PLAGL1: variants seen among roughly 807,000 people sequenced by gnomAD.
The protein encoded by PLAGL1 is zinc finger protein PLAGL1.
Under a neutral mutation model 4.6 loss-of-function variants are expected in PLAGL1, and 1 was observed. The observed-to-expected ratio is 0.22, with a 90% CI of 0.08 to 1.03. The LOEUF (loss-of-function observed/expected upper bound fraction) is 1.03, where lower values mean the gene tolerates loss of function less well. Ranked by LOEUF, PLAGL1 falls within the 50% of genes least tolerant of loss-of-function variation. PLAGL1 has a pLI of 0.58. For missense variants in PLAGL1, 464 were observed against 570.4 expected (o/e 0.81, Z 1.90); for synonymous variants, 240 against 237.8 (o/e 1.01, Z -0.08).
rs1356022171 is a variant in PLAGL1 at position 144,027,991 on chromosome 6, T to G, written c.-151+36477A>C. On this transcript the variant is annotated intron_variant, in intron 1 of 3. Coordinates refer to the PLAGL1 transcript ENST00000437412. The surrounding 1 kb of genome is among the most constrained non-coding windows in gnomAD (Gnocchi z 5.8). ...CAAGGAAATATAAAGAATTCAAAACTCCAAAAATGCACAGGATTGTCCCTT... is the reference window on the plus strand; with the variant it reads ...CAAGGAAATATAAAGAATTCAAAACGCCAAAAATGCACAGGATTGTCCCTT... Among the ~76,000 whole-genome samples the G allele has an allele frequency of 1.3e-5, 2 of 152,144 alleles. No individual in the cohort carries two copies. The highest frequency in any genetic ancestry group is 2.4e-5 in the African/African-American group (1 of 41,446).
intron 1 of PLAGL1, among the ~76,000 whole-genome samples, chr6:144,019,196 C>T (rs1329655728): frequency 6.6e-6 from 1 of 151,518 alleles, no homozygotes; most frequent in African/African-American, 2.4e-5. Flanking sequence ...CTATAAAGGC[C>T]AGGCACTGTG....
At chr6:143,967,190 C>A (rs1428129778) in intron 3 of PLAGL1, 2 of 152,068 alleles carry the variant, frequency 1.3e-5, no homozygotes, top group Non-Finnish European at 2.9e-5. Flanking sequence ...GTCTCCGTCA[C>A]CATAAAATGG....
At chr6:144,060,678 T>C (rs2128731845) in intron 1 of PLAGL1, among the ~76,000 whole-genome samples, 1 of 152,330 alleles carries the variant, frequency 6.6e-6, no homozygotes, top group South Asian at 2.1e-4. Flanking sequence ...GTGTCCTTAT[T>C]TTTCAACGAA....
chr6:144,045,000 C>CTTTTTTTTTTTTTTTTTTTTTTT (rs138373370), intron 1 of PLAGL1, among the ~76,000 whole-genome samples: 8 of 47,336 alleles, frequency 1.7e-4, no homozygotes, highest in Admixed American at 8.4e-4. Flanking sequence ...GCAACCCCTG[C>CTTTTTTTTTTTTTTTTTTTTTTT]TTTTTTTTTT....
chr6:143,992,093 G>A (rs1374442834), intron 1 of PLAGL1, among the ~76,000 whole-genome samples: 1 of 152,186 alleles, frequency 6.6e-6, no homozygotes, highest in African/African-American at 2.4e-5. Flanking sequence ...TAGTTGGTCT[G>A]CATAACTTAT....
intron 1 of PLAGL1, among the ~76,000 whole-genome samples, chr6:144,033,514 G>T (rs772782491): frequency 1.3e-5 from 2 of 152,212 alleles, no homozygotes; most frequent in African/African-American, 4.8e-5. Context: ...AATACAGACA[G>T]GAAAGGTGGT....
chr6:143,971,730 A>G lies in PLAGL1; in HGVS notation c.-543-2752T>C, dbSNP rs1785459490. Among the ~76,000 whole-genome samples the G allele has an allele frequency of 6.6e-6, 1 of 152,232 alleles. No individual in the cohort carries two copies. The highest frequency in any genetic ancestry group is 6.5e-5 in the Admixed American group (1 of 15,282). ...AGTAAATCTGGTTAAAGAAATTGTCAAGGGAGGTTTTGACTTTTGCTATTA... is the reference window on the plus strand; with the variant it reads ...AGTAAATCTGGTTAAAGAAATTGTCGAGGGAGGTTTTGACTTTTGCTATTA... On this transcript the variant is annotated intron_variant, in intron 2 of 7. Transcript: ENST00000674357. This position sits in a 1 kb window ranked among gnomAD's most constrained non-coding sequence, Gnocchi z 4.7.
rs1796028572 is a variant in PLAGL1 at position 144,022,257 on chromosome 6, G to A, written c.-151+42211C>T. 6.6e-6 allele frequency among the ~76,000 whole-genome samples: 1 copy of A among 152,200 alleles called. No individual in the cohort carries two copies. Among genetic ancestry groups the A allele is most frequent in the South Asian group, 2.1e-4 (1 of 4,830 alleles). ...TCTGAACAGACAGCTCACCAGAGGAGATATGTAGATGGCATGTAAGCATAT... is the reference window on the plus strand; with the variant it reads ...TCTGAACAGACAGCTCACCAGAGGAAATATGTAGATGGCATGTAAGCATAT... On this transcript the variant is annotated intron_variant, in intron 1 of 3. Coordinates refer to the PLAGL1 transcript ENST00000437412. This position sits in a 1 kb window ranked among gnomAD's most constrained non-coding sequence, Gnocchi z 4.2.
intron 1 of PLAGL1, among the ~76,000 whole-genome samples, chr6:144,019,172 AT>A (rs1216920498): frequency 2.0e-5 from 3 of 152,110 alleles, no homozygotes; most frequent in Non-Finnish European, 4.4e-5. Context: ...TGATCCCTGG[AT>A]TTTTAAAAAA....
At chr6:143,996,858 T>C (rs926299447) in intron 1 of PLAGL1, among the ~76,000 whole-genome samples, 1 of 152,158 alleles carries the variant, frequency 6.6e-6, no homozygotes, top group Non-Finnish European at 1.5e-5. Context: ...ACCTTGACCC[T>C]TATCTCACAT....
Position 143,965,290 on chromosome 6 carries a change from A to C in PLAGL1, c.-430-472T>G, listed in dbSNP as rs1245400376. The stretch of plus-strand genomic sequence containing the variant: ...CTGAATGTCTGAGACCTTCAGAAGA[A>C]GCTTATAAAGACCCTGCTGGAAACT... On this transcript the variant is annotated intron_variant, in intron 4 of 7. Transcript: ENST00000674357. This position sits in a 1 kb window ranked among gnomAD's most constrained non-coding sequence, Gnocchi z 7.5. 2 of 152,146 alleles carry C rather than the reference A, an allele frequency of 1.3e-5. No individual in the cohort carries two copies. The highest frequency in any genetic ancestry group is 2.9e-5 in the Non-Finnish European group (2 of 68,030). 9.4% of individuals were successfully genotyped at this position (152,146 alleles called of 1,614,324 possible).
chr6:144,003,406 C>T (rs62427126), intron 1 of PLAGL1, among the ~76,000 whole-genome samples: 17,431 of 152,102 alleles, frequency 0.11, 1,261 homozygotes, highest in South Asian at 0.2. Flanking sequence ...GGGTGGATCA[C>T]GAGGTCAGGA....
rs567975586 is a variant in PLAGL1 at position 143,948,709 on chromosome 6, C to T, written c.-324-249G>A. Among the ~76,000 whole-genome samples, 17 of 152,154 alleles carry T rather than the reference C, an allele frequency of 1.1e-4. No homozygotes were observed. Among genetic ancestry groups the T allele is most frequent in the South Asian group, 6.2e-4 (3 of 4,818 alleles). On this transcript the variant is annotated intron_variant, in intron 6 of 7. Coordinates refer to ENST00000674357, the MANE Select transcript of PLAGL1 (RefSeq NM_001317162.2). This position sits in a 1 kb window ranked among gnomAD's most constrained non-coding sequence, Gnocchi z 6.0. ...CCTCTGGTAAGGAGAGTTCTTTCCACGGATCCAGTATTATCTATTTCAGGT... is the reference window on the plus strand; with the variant it reads ...CCTCTGGTAAGGAGAGTTCTTTCCATGGATCCAGTATTATCTATTTCAGGT...
intron 7 of PLAGL1, among the ~76,000 whole-genome samples, chr6:143,946,116 C>G (rs1779723697): frequency 1.3e-5 from 2 of 152,130 alleles, no homozygotes; most frequent in African/African-American, 2.4e-5. Context: ...CCCTGTGGAC[C>G]ACATGTGTAT....
intron 1 of PLAGL1, among the ~76,000 whole-genome samples, chr6:144,031,092 C>G (rs965440996): frequency 6.6e-6 from 1 of 152,130 alleles, no homozygotes; most frequent in East Asian, 1.9e-4. Context: ...ATTTGCATTT[C>G]CCTGATAGTG....
chr6:144,011,201 T>C (rs1379455459), upstream of PLAGL1, among the ~76,000 whole-genome samples: 2 of 151,130 alleles, frequency 1.3e-5, no homozygotes, highest in African/African-American at 2.4e-5. The surrounding 1 kb of genome is among the most constrained non-coding windows in gnomAD (Gnocchi z 4.3). Flanking sequence ...TTTGCAATTA[T>C]CCATCTGACA....
intron 2 of PLAGL1, among the ~76,000 whole-genome samples, chr6:143,969,932 G>A (rs748277346): frequency 1.3e-5 from 2 of 152,124 alleles, no homozygotes; most frequent in African/African-American, 2.4e-5. Context: ...AGCAAATGAT[G>A]AGAGGGCAGC....
chr6:144,051,152 C>T (rs185861585), intron 1 of PLAGL1, among the ~76,000 whole-genome samples: 5 of 152,302 alleles, frequency 3.3e-5, no homozygotes, highest in Non-Finnish European at 2.9e-5. Flanking sequence ...ACCTCAATTA[C>T]GTACTTTCTC....
At chr6:144,009,319 C>A (rs1794946239), upstream of PLAGL1, among the ~76,000 whole-genome samples, 1 of 152,106 alleles carries the variant, frequency 6.6e-6, no homozygotes, top group African/African-American at 2.4e-5. Flanking sequence ...TTATCTATCC[C>A]TGAATTTTTA....
Sources: gnomAD v4.1 joint callset for allele counts (sites outside exome capture counted in the v4.1 genomes callset) on GRCh38, gnomAD v4.1.1 for gene constraint, Gnocchi (gnomAD v3.1) non-coding constraint, MANE v1.5 for transcripts, NCBI Gene and HGNC (gene_info 2026-07-23, HGNC 2026-07-21) for gene names.